The following FSTL4 variants were observed in gnomAD, a reference collection of about 807,000 sequenced individuals.
The protein encoded by FSTL4 is follistatin-related protein 4.
Under a neutral mutation model 78.2 loss-of-function variants are expected in FSTL4, and 28 were observed. The ratio of observed to expected loss-of-function variants is 0.36; its 90% CI spans 0.27 to 0.49. FSTL4 has a LOEUF of 0.49. Among genes scored for constraint, FSTL4 ranks in the 20% least tolerant of loss-of-function variants. The pLI is 0.98. For synonymous variants in FSTL4, 422 were observed against 440.5 expected, an observed-to-expected ratio of 0.96 and a Z score of 0.53; for missense variants, 922 against 1,084.9, an observed-to-expected ratio of 0.85 and a Z score of 2.11.
intron 6 of FSTL4, among the ~76,000 whole-genome samples, chr5:133,271,259 A>G (rs1259395765): frequency 6.6e-6 from 1 of 152,208 alleles, no homozygotes; most frequent in African/African-American, 2.4e-5. Context: ...GACTTTTCAG[A>G]AAGCTGACTT....
In FSTL4 at chr5:133,410,901, A is replaced by G. The variant is rs543388526; in HGVS notation, c.161-9915T>C. Among the ~76,000 whole-genome samples the G allele has an allele frequency of 4.6e-5, 7 of 152,316 alleles. No individual in the cohort carries two copies. The East Asian group carries it at 1.4e-3, about 29-fold the overall frequency. On this transcript the variant is annotated intron_variant, in intron 3 of 15. Coordinates refer to ENST00000265342, the MANE Select transcript of FSTL4 (RefSeq NM_015082.2). ...CAAAGCTTAGTAACAATATCGGACA[A>G]TCTGATTTCATCTATTCTCAACTTC...
the FSTL4 span, among the ~76,000 whole-genome samples, chr5:133,659,400 C>T: frequency 6.6e-6 from 1 of 151,910 alleles, no homozygotes; most frequent in Admixed American, 6.5e-5. Flanking sequence ...CTTTCTGATA[C>T]TAAAATTTCT....
At chr5:133,468,194 G>A (rs1757752466) in intron 3 of FSTL4, among the ~76,000 whole-genome samples, 1 of 152,194 alleles carries the variant, frequency 6.6e-6, no homozygotes, top group Non-Finnish European at 1.5e-5. Flanking sequence ...CAGGCAGGGG[G>A]AGGCCTGCCC....
chr5:133,807,407 A>C, the FSTL4 span, among the ~76,000 whole-genome samples: 7 of 152,204 alleles, frequency 4.6e-5, no homozygotes, highest in African/African-American at 1.7e-4. Flanking sequence ...TTTTATGACC[A>C]GCTTATATGG....
Position 133,475,680 on chromosome 5 carries a change from C to T in FSTL4, c.161-74694G>A, listed in dbSNP as rs937171238. On this transcript the variant is annotated intron_variant, in intron 3 of 15. Coordinates refer to ENST00000265342, the MANE Select transcript of FSTL4 (RefSeq NM_015082.2). ...CAAGGTAATTGTTTCTCTTTATTTC[C>T]TCTAGATAAAGAATAAGTAATAGGC... Among the ~76,000 whole-genome samples the T allele has an allele frequency of 5.3e-5, 8 of 152,304 alleles. No individual in the cohort carries two copies. The Middle Eastern group carries it at 0.024, about 453-fold the overall frequency.
chr5:133,582,765 T>C (rs960578763), intron 2 of FSTL4, among the ~76,000 whole-genome samples: 2 of 152,190 alleles, frequency 1.3e-5, no homozygotes, highest in African/African-American at 2.4e-5. Context: ...TCCAACCCAC[T>C]TGAATGCCAG....
Position 133,541,910 on chromosome 5 carries a change from A to G in FSTL4, c.160+25276T>C, listed in dbSNP as rs529124074. Among the ~76,000 whole-genome samples the G allele has an allele frequency of 2.1e-5, 3 of 144,510 alleles. No homozygotes were observed. In the East Asian group the frequency reaches 5.9e-4, roughly 29 times the overall value. 94.8% of individuals were successfully genotyped at this position (144,510 alleles called of 152,430 possible). On this transcript the variant is annotated intron_variant, in intron 3 of 15. Transcript: ENST00000265342. The stretch of plus-strand genomic sequence containing the variant: ...GCTTCTGTGCCTTCTCAGCACACAG[A>G]GCTAGAGAATGTTACAGACACACAC...
the FSTL4 span, among the ~76,000 whole-genome samples, chr5:133,722,094 C>G: frequency 6.6e-6 from 1 of 152,010 alleles, no homozygotes; most frequent in African/African-American, 2.4e-5. Context: ...ACCCCTGGGC[C>G]ACAGACCAGT....
At chr5:133,512,105 G>A (rs920713908) in intron 3 of FSTL4, among the ~76,000 whole-genome samples, 1 of 152,202 alleles carries the variant, frequency 6.6e-6, no homozygotes, top group Non-Finnish European at 1.5e-5. Context: ...ATGCATGCAG[G>A]CCCACACTGG....
At chr5:133,766,802 CAACA>C in the FSTL4 span, among the ~76,000 whole-genome samples, 1 of 152,180 alleles carries the variant, frequency 6.6e-6, no homozygotes, top group Non-Finnish European at 1.5e-5. Flanking sequence ...ACATCAAATC[CAACA>C]AACAATATAA....
At chr5:133,787,780 C>G in the FSTL4 span, among the ~76,000 whole-genome samples, 1 of 152,366 alleles carries the variant, frequency 6.6e-6, no homozygotes, top group South Asian at 2.1e-4. Context: ...CTCACTCTGC[C>G]CTTCCCACTT....
chr5:133,205,468 C>A (rs1750468566), intron 14 of FSTL4, among the ~76,000 whole-genome samples: 1 of 151,762 alleles, frequency 6.6e-6, no homozygotes, highest in South Asian at 2.1e-4. Flanking sequence ...ATAAATTATC[C>A]TTGCATAATA....
intron 4 of FSTL4, among the ~76,000 whole-genome samples, chr5:133,349,504 C>T (rs1282435947): frequency 1.3e-5 from 2 of 152,038 alleles, no homozygotes; most frequent in African/African-American, 4.8e-5. Context: ...TGTAAAGGAT[C>T]CATAGGATGG....
chr5:133,832,965 G>A, the FSTL4 span, among the ~76,000 whole-genome samples: 1 of 151,790 alleles, frequency 6.6e-6, no homozygotes, highest in Non-Finnish European at 1.5e-5. Context: ...AAAATCTTTT[G>A]TTTTTTTAAC....
At chr5:133,428,253 A>G (rs1157203878) in intron 3 of FSTL4, among the ~76,000 whole-genome samples, 1 of 152,196 alleles carries the variant, frequency 6.6e-6, no homozygotes, top group Non-Finnish European at 1.5e-5. Context: ...GGTATGCCAG[A>G]CAGATGATGT....
chr5:133,288,699 G>A (rs542109323), intron 6 of FSTL4, among the ~76,000 whole-genome samples: 1 of 152,210 alleles, frequency 6.6e-6, no homozygotes, highest in Non-Finnish European at 1.5e-5. Flanking sequence ...GTCCTGGAAA[G>A]TGAAGGTAGA....
chr5:133,205,770 ATC>A (rs1157525260), intron 14 of FSTL4, among the ~76,000 whole-genome samples: 2 of 141,024 alleles, frequency 1.4e-5, no homozygotes, highest in African/African-American at 2.5e-5. Context: ...GGTAGTTTGC[ATC>A]TCTTTGTTTG....
chr5:133,705,420 G>T, the FSTL4 span, among the ~76,000 whole-genome samples: 7 of 152,268 alleles, frequency 4.6e-5, no homozygotes, highest in East Asian at 1.2e-3. Flanking sequence ...GAGGCTGCCT[G>T]CAGGCTCCAC....
chr5:133,774,982 C>CAA, the FSTL4 span, among the ~76,000 whole-genome samples: 1,695 of 106,766 alleles, frequency 0.016, 34 homozygotes, highest in African/African-American at 0.044. Flanking sequence ...TCTAAAATGA[C>CAA]AAAAAAAAAA....
Sources: gnomAD v4.1 joint callset for allele counts (sites outside exome capture counted in the v4.1 genomes callset) on GRCh38, gnomAD v4.1.1 for gene constraint, MANE v1.5 for transcripts, NCBI Gene and HGNC (gene_info 2026-07-23, HGNC 2026-07-21) for gene names.